The following DPP6 variants were observed in gnomAD, a reference collection of about 807,000 sequenced individuals.
DPP6 encodes dipeptidyl peptidase like 6, also known as A-type potassium channel modulatory protein DPP6.
In DPP6, 69 loss-of-function variants were observed where a neutral mutation model predicts 122.6. That is an observed-to-expected ratio of 0.56 (90% CI 0.46 to 0.69). DPP6 has a LOEUF of 0.69. Ranked by LOEUF, DPP6 falls within the 30% of genes least tolerant of loss-of-function variation. The pLI, the probability that DPP6 is intolerant of heterozygous loss-of-function variation, is 0.00. For synonymous variants in DPP6, 418 were observed against 433.1 expected (o/e 0.97, Z 0.43); for missense variants, 928 against 1,116.9 (o/e 0.83, Z 2.41).
intron 1 of DPP6, among the ~76,000 whole-genome samples, chr7:153,950,350 G>T (rs1365266092): frequency 6.6e-6 from 1 of 152,212 alleles, no homozygotes; most frequent in African/African-American, 2.4e-5. Context: ...AATGTTAGGT[G>T]TGAGACAAGA....
rs146407902 is a variant in DPP6 at position 153,935,028 on chromosome 7, G to A, written c.51+47294G>A. Among the ~76,000 whole-genome samples the A allele has an allele frequency of 4.2e-3, 634 of 152,304 alleles. 4 individuals are homozygous for A. The highest frequency in any genetic ancestry group is 0.015 in the African/African-American group (611 of 41,560). On this transcript the variant is annotated intron_variant, in intron 1 of 25. Transcript: ENST00000404039. ...CTGGAGGTGCAGGGACAGAAGGCCCGGGGGAGGAGCTCAGGGACCAGCCCC... is the reference window on the plus strand; with the variant it reads ...CTGGAGGTGCAGGGACAGAAGGCCCAGGGGAGGAGCTCAGGGACCAGCCCC...
the DPP6 span, among the ~76,000 whole-genome samples, chr7:153,778,334 CAT>C: frequency 6.6e-6 from 1 of 151,936 alleles, no homozygotes; most frequent in Non-Finnish European, 1.5e-5. Flanking sequence ...CAAATATATA[CAT>C]ATATATGCAG....
chr7:154,706,028 C>T (rs112244071), intron 7 of DPP6, among the ~76,000 whole-genome samples: 9 of 152,184 alleles, frequency 5.9e-5, no homozygotes, highest in South Asian at 4.1e-4. Context: ...GCAATGAGGG[C>T]GGTCATGGAA....
chr7:154,639,742 G>C (rs1207358924), intron 6 of DPP6, among the ~76,000 whole-genome samples: 1 of 152,160 alleles, frequency 6.6e-6, no homozygotes, highest in African/African-American at 2.4e-5. Flanking sequence ...ACCCCAACAC[G>C]GAGGGAGCTG....
chr7:154,203,277 C>T (rs977553300), intron 1 of DPP6, among the ~76,000 whole-genome samples: 2 of 152,108 alleles, frequency 1.3e-5, no homozygotes, highest in Admixed American at 6.6e-5. Flanking sequence ...TAGTGGAATA[C>T]GGAAACAATG....
At chr7:154,430,227 G>A (rs912751778) in intron 1 of DPP6, among the ~76,000 whole-genome samples, 13 of 152,162 alleles carry the variant, frequency 8.5e-5, no homozygotes, top group Admixed American at 8.5e-4. Context: ...CTAAGGCACG[G>A]GGTTAGTTTA....
At chr7:154,000,057 G>T (rs1250619518) in intron 1 of DPP6, among the ~76,000 whole-genome samples, 6 of 152,118 alleles carry the variant, frequency 3.9e-5, no homozygotes, top group African/African-American at 1.4e-4. Context: ...AAGTAAATTT[G>T]CTTTGTAATG....
intron 1 of DPP6, among the ~76,000 whole-genome samples, chr7:154,099,131 A>G (rs1054402255): frequency 1.3e-5 from 2 of 151,596 alleles, no homozygotes; most frequent in Non-Finnish European, 2.9e-5. Flanking sequence ...CCATGTAAGG[A>G]TAGGGGCTCA....
At chr7:153,990,240 T>G (rs1487224929) in intron 1 of DPP6, among the ~76,000 whole-genome samples, 1 of 95,562 alleles carries the variant, frequency 1.0e-5, no homozygotes, top group Non-Finnish European at 2.0e-5. Context: ...AGCCCCACCC[T>G]CAGGCAGCCC....
chr7:154,023,598 C>T (rs1482823227), intron 1 of DPP6, among the ~76,000 whole-genome samples: 1 of 151,676 alleles, frequency 6.6e-6, no homozygotes, highest in Non-Finnish European at 1.5e-5. Flanking sequence ...TCTCCTGCCT[C>T]AGCCTCCCAA....
intron 5 of DPP6, chr7:154,588,264 A>C: frequency 9.0e-7 from 1 of 1,105,226 alleles, no homozygotes; most frequent in Non-Finnish European, 1.2e-6. Flanking sequence ...GCCTGTTCTC[A>C]GAGATGCAGC....
intron 1 of DPP6, among the ~76,000 whole-genome samples, chr7:154,111,097 A>G (rs143285611): frequency 0.012 from 1,874 of 152,326 alleles, 54 homozygotes; most frequent in Admixed American, 0.06. Flanking sequence ...TCAAATAGGT[A>G]CAGAAAGAAG....
At chr7:154,271,072 T>C (rs748625571) in intron 1 of DPP6, among the ~76,000 whole-genome samples, 2 of 152,224 alleles carry the variant, frequency 1.3e-5, no homozygotes, top group Non-Finnish European at 2.9e-5. Context: ...ATTGGAAGTT[T>C]CTAGGATTCC....
intron 1 of DPP6, among the ~76,000 whole-genome samples, chr7:154,308,613 G>A (rs998544427): frequency 3.3e-5 from 5 of 152,146 alleles, no homozygotes; most frequent in Admixed American, 6.5e-5. Context: ...CTGCTCCTGC[G>A]CAGAGGGAAG....
Position 154,529,460 on chromosome 7 carries a change from G to C in DPP6, c.458-11072G>C, listed in dbSNP as rs576123419. On this transcript the variant is annotated intron_variant, in intron 3 of 25. Transcript: ENST00000377770. ...TATCGGGAGATAATATCAAAACCCA[G>C]AATGTCCAGAAATTAATATCCATAA... Among the ~76,000 whole-genome samples, 4 of 148,898 alleles carry C rather than the reference G, an allele frequency of 2.7e-5. No homozygotes were observed. In the South Asian group the frequency reaches 8.5e-4, roughly 32 times the overall value.
intron 1 of DPP6, among the ~76,000 whole-genome samples, chr7:154,323,032 T>G (rs189923795): frequency 3.4e-4 from 51 of 152,174 alleles, no homozygotes; most frequent in African/African-American, 1.2e-3. Flanking sequence ...GCTGGCCTGG[T>G]TGCAGAAGAG....
chr7:154,126,459 A>G (rs1807894125), intron 1 of DPP6, among the ~76,000 whole-genome samples: 2 of 151,860 alleles, frequency 1.3e-5, no homozygotes, highest in Admixed American at 1.3e-4. Context: ...AGGGCTTGTC[A>G]TTTGCTAGGA....
the DPP6 span, among the ~76,000 whole-genome samples, chr7:153,818,566 T>C: frequency 4.6e-4 from 70 of 152,212 alleles, no homozygotes; most frequent in East Asian, 2.5e-3. Context: ...CAAGATATAT[T>C]GTATGGTGCC....
chr7:153,784,973 C>T, the DPP6 span, among the ~76,000 whole-genome samples: 4 of 152,088 alleles, frequency 2.6e-5, no homozygotes, highest in East Asian at 1.9e-4. Context: ...GTTGCTGGGG[C>T]GAGAATGCAG....
Sources: gnomAD v4.1 joint callset for allele counts (sites outside exome capture counted in the v4.1 genomes callset) on GRCh38, gnomAD v4.1.1 for gene constraint, MANE v1.5 for transcripts, NCBI Gene and HGNC (gene_info 2026-07-23, HGNC 2026-07-21) for gene names.